The following ULK4 variants were observed in gnomAD, a reference collection of about 807,000 sequenced individuals.
ULK4 encodes the protein unc-51 like kinase 4.
A neutral mutation model predicts 160.6 loss-of-function variants in ULK4; 133 were observed. That is an observed-to-expected ratio of 0.83 (90% CI 0.72 to 0.96). The LOEUF (loss-of-function observed/expected upper bound fraction) is 0.96, where lower values mean the gene tolerates loss of function less well. Ranked by LOEUF, ULK4 falls within the 40% of genes least tolerant of loss-of-function variation. The pLI, the probability that ULK4 is intolerant of heterozygous loss-of-function variation, is 0.00. For missense variants in ULK4, 1,580 were observed against 1,499.5 expected (o/e 1.05, Z -0.89); for synonymous variants, 534 against 539.8 (o/e 0.99, Z 0.15).
At chr3:41,894,879 C>T (rs567536376) in intron 16 of ULK4, among the ~76,000 whole-genome samples, 1 of 152,224 alleles carries the variant, frequency 6.6e-6, no homozygotes, top group South Asian at 2.1e-4. Flanking sequence ...AACCCAGAGC[C>T]TTCTAACACT....
intron 31 of ULK4, 113 bp downstream of exon 31, chr3:41,615,556 C>T (rs1010479783): frequency 2.2e-5 from 21 of 947,932 alleles, no homozygotes; most frequent in Admixed American, 7.0e-5. Context: ...TGATGATGGA[C>T]GTACAATCCT....
At chr3:41,782,530 A>C (rs2039880324) in intron 21 of ULK4, among the ~76,000 whole-genome samples, 1 of 152,208 alleles carries the variant, frequency 6.6e-6, no homozygotes, top group Non-Finnish European at 1.5e-5. Context: ...TCTCGGCTGA[A>C]AATTTTAAAG....
At chr3:41,919,323 C>T (rs756882288) in intron 6 of ULK4, among the ~76,000 whole-genome samples, 6 of 152,042 alleles carry the variant, frequency 3.9e-5, no homozygotes, top group Admixed American at 6.6e-5. Flanking sequence ...TTTTTTTGGC[C>T]AGGCACAGTG....
chr3:41,324,160 T>G (rs1053661908), intron 35 of ULK4, among the ~76,000 whole-genome samples: 2 of 152,212 alleles, frequency 1.3e-5, no homozygotes, highest in Non-Finnish European at 2.9e-5. Flanking sequence ...GTTCTGAGAC[T>G]CTGGTGTGCC....
intron 17 of ULK4, among the ~76,000 whole-genome samples, chr3:41,843,729 C>G (rs1002572464): frequency 1.3e-5 from 2 of 152,114 alleles, no homozygotes; most frequent in African/African-American, 2.4e-5. Flanking sequence ...ACAAAGCTTC[C>G]ACAGTGTGGA....
intron 32 of ULK4, among the ~76,000 whole-genome samples, chr3:41,488,241 T>C (rs1039284595): frequency 6.6e-6 from 1 of 152,228 alleles, no homozygotes; most frequent in Non-Finnish European, 1.5e-5. Context: ...TTTTCAAGCA[T>C]CATGCTATTT....
At chr3:41,788,004 G>A (rs2040045788) in intron 21 of ULK4, among the ~76,000 whole-genome samples, 1 of 151,906 alleles carries the variant, frequency 6.6e-6, no homozygotes, top group Admixed American at 6.6e-5. Flanking sequence ...CGGATTACCT[G>A]GTAAAATTAT....
At chr3:41,865,353 TACA>T (rs1369552060) in intron 17 of ULK4, among the ~76,000 whole-genome samples, 1 of 140,362 alleles carries the variant, frequency 7.1e-6, no homozygotes, top group Non-Finnish European at 1.5e-5. Context: ...TAGTTTTCTA[TACA>T]ATCACCCCAA....
At chr3:41,688,197 C>A (rs2036161963) in intron 27 of ULK4, among the ~76,000 whole-genome samples, 2 of 152,164 alleles carry the variant, frequency 1.3e-5, no homozygotes, top group African/African-American at 2.4e-5. Context: ...TCATCCCACC[C>A]CCTCCCCTGA....
chr3:41,934,085 T>C (rs763306877), intron 4 of ULK4, among the ~76,000 whole-genome samples: 15 of 152,124 alleles, frequency 9.9e-5, no homozygotes, highest in Non-Finnish European at 1.2e-4. Flanking sequence ...GTGGTTTTTA[T>C]ATTTCTAAAT....
Position 41,645,991 on chromosome 3 carries a change from T to A in ULK4, c.3071+17616A>T, listed in dbSNP as rs188795169. On this transcript the variant is annotated intron_variant, in intron 30 of 36. Transcript: ENST00000301831. ...TGATCTTTGTTGGTTTAAAGTCTGT[T>A]TTATCAGAGACTAGGATTGCAACCC... Among the ~76,000 whole-genome samples the A allele has an allele frequency of 2.8e-3, 423 of 152,296 alleles. 1 individual carries two copies. The highest frequency in any genetic ancestry group is 0.014 in the South Asian group (66 of 4,816).
At position 41,705,037 on chromosome 3, in the gene ULK4, C is replaced by G. The variant is rs1409466441; in HGVS notation, c.2781+20G>C. On this transcript the variant is annotated intron_variant, in intron 27 of 36. Coordinates refer to ENST00000301831, the MANE Select transcript of ULK4 (RefSeq NM_017886.4). ...AAGTAAATTTAAAAGGAGCTTTTTT[C>G]AAAAGCTGCCAGAACTGACCGTGGA... 4 of 1,575,076 alleles carry G rather than the reference C, an allele frequency of 2.5e-6. No homozygotes were observed. The highest frequency in any genetic ancestry group is 2.0e-5 in the Admixed American group (1 of 50,806).
intron 33 of ULK4, among the ~76,000 whole-genome samples, chr3:41,460,286 A>G (rs893412016): frequency 3.9e-5 from 6 of 152,304 alleles, no homozygotes; most frequent in African/African-American, 1.4e-4. Flanking sequence ...CAAGGCCCAG[A>G]TTGGAAAGTC....
At chr3:41,764,945 T>A (rs949271306) in intron 21 of ULK4, among the ~76,000 whole-genome samples, 3 of 152,176 alleles carry the variant, frequency 2.0e-5, no homozygotes. Context: ...AGGAACACTT[T>A]TACACTGTTG....
chr3:41,291,138 TCCTAA>T (rs984113317), intron 35 of ULK4, among the ~76,000 whole-genome samples: 25 of 152,248 alleles, frequency 1.6e-4, no homozygotes, highest in African/African-American at 6.0e-4. Context: ...ATTTTCACTC[TCCTAA>T]CCTTTCAATC....
intron 35 of ULK4, among the ~76,000 whole-genome samples, chr3:41,379,594 T>A (rs560234273): frequency 2.0e-5 from 3 of 152,168 alleles, no homozygotes; most frequent in South Asian, 4.1e-4. Flanking sequence ...AAAATGCCAA[T>A]GAGACCTGAT....
chr3:41,562,749 T>C (rs1195553747), intron 32 of ULK4, among the ~76,000 whole-genome samples: 3 of 152,176 alleles, frequency 2.0e-5, no homozygotes, highest in Non-Finnish European at 2.9e-5. Context: ...TGAGCCTATG[T>C]GTGTCTCTGC....
At chr3:41,763,090 G>A (rs1282038966) in intron 21 of ULK4, among the ~76,000 whole-genome samples, 3 of 151,864 alleles carry the variant, frequency 2.0e-5, no homozygotes, top group Admixed American at 6.6e-5. Context: ...CCACACGTGC[G>A]AATTACAATT....
rs34582395 is a variant in ULK4 at position 41,746,272 on chromosome 3, C to CAAAAAAAAAAA, written c.2321+8078_2321+8088dup. On this transcript the variant is annotated intron_variant, in intron 22 of 36. Coordinates refer to ENST00000301831, the MANE Select transcript of ULK4 (RefSeq NM_017886.4). Reference sequence around the variant, plus strand: ...TATATAGAAAATCTCCTGGAACCCACAAAAAAAAAAAAAAAAAAAAAAAAC... The same window carrying CAAAAAAAAAAA: ...TATATAGAAAATCTCCTGGAACCCACAAAAAAAAAAAAAAAAAAAAAAAAAAAAAAAAAAAC... Among the ~76,000 whole-genome samples the CAAAAAAAAAAA allele has an allele frequency of 1.9e-3, 88 of 45,698 alleles. 5 individuals are homozygous for CAAAAAAAAAAA. Among genetic ancestry groups the CAAAAAAAAAAA allele is most frequent in the African/African-American group, 8.4e-3 (79 of 9,394 alleles). 30.0% of individuals were successfully genotyped at this position (45,698 alleles called of 152,430 possible). A position where few individuals can be genotyped will look rare whatever the true frequency, so the allele number is the denominator to read the frequency against.
Sources: gnomAD v4.1 joint callset for allele counts (sites outside exome capture counted in the v4.1 genomes callset) on GRCh38, gnomAD v4.1.1 for gene constraint, MANE v1.5 for transcripts, NCBI Gene and HGNC (gene_info 2026-07-23, HGNC 2026-07-21) for gene names.